Variants in DAB2 observed in about 807,000 individuals in gnomAD.
DAB2 encodes disabled homolog 2.
In DAB2, 28 loss-of-function variants were observed where a neutral mutation model predicts 71.6. That is an observed-to-expected ratio of 0.39 (90% confidence interval 0.29 to 0.54). The LOEUF is 0.54. Ranked by LOEUF, DAB2 falls within the 20% of genes least tolerant of loss-of-function variation. DAB2 has a pLI of 0.68. For synonymous variants in DAB2, 345 were observed against 339.7 expected, an observed-to-expected ratio of 1.02 and a Z score of -0.17; for missense variants, 867 against 928.8, an observed-to-expected ratio of 0.93 and a Z score of 0.86.
chr5:39,411,625 C>T (rs144987977), intron 1 of DAB2, among the ~76,000 whole-genome samples: 82 of 152,250 alleles, frequency 5.4e-4, no homozygotes, highest in African/African-American at 1.5e-3. Flanking sequence ...GAATGCAATT[C>T]GATCATTTGT....
chr5:39,384,449 T>A (rs941987526), intron 9 of DAB2, among the ~76,000 whole-genome samples: 1 of 152,220 alleles, frequency 6.6e-6, no homozygotes, highest in Admixed American at 6.5e-5. Context: ...CTCACTTATT[T>A]TCAGACCAAG....
Position 39,377,015 on chromosome 5 carries a change from C to A in DAB2, c.1772G>T (p.Gly591Val). The change falls in exon 12 of 15, where the codon GGG becomes GTG. Residue 591 changes from glycine to valine, a missense_variant. Coordinates refer to ENST00000320816, the MANE Select transcript of DAB2 (RefSeq NM_001343.4). ...PNAWSTTSPL[G>V]NPFQSNIFPA... ...AAAAATATTGCTCTGAAAAGGATTC[C>A]CCAAAGGGCTTGTTGTTGACCAAGC... is the stretch of plus-strand genomic sequence containing the variant. 6.2e-7 allele frequency: 1 copy of A among 1,614,008 alleles called. No individual in the cohort carries two copies. Among genetic ancestry groups the A allele is most frequent in the Non-Finnish European group, 8.5e-7 (1 of 1,180,000 alleles).
At chr5:39,394,145 C>T in intron 2 of DAB2, 85 bp downstream of exon 2, 1 of 1,089,452 alleles carries the variant, frequency 9.2e-7, no homozygotes, top group Non-Finnish European at 1.4e-6. Context: ...TCAGAGCCAG[C>T]CCTTACTTTA....
chr5:39,409,092 A>G (rs1394385675), intron 1 of DAB2, among the ~76,000 whole-genome samples: 2 of 151,964 alleles, frequency 1.3e-5, no homozygotes, highest in Non-Finnish European at 2.9e-5. Context: ...AGGCCTCCCA[A>G]TAGTTAGCCT....
At chr5:39,392,619 A>C (rs975105787) in intron 3 of DAB2, among the ~76,000 whole-genome samples, 156 bp from the exon 4 acceptor site, 42 of 152,332 alleles carry the variant, frequency 2.8e-4, no homozygotes, top group African/African-American at 9.9e-4. Flanking sequence ...GCAAGACGGC[A>C]TAGAAGACGT....
rs1201942226 is a variant in DAB2, at chr5:39,382,737, T to A, written c.1222A>T (p.Ile408Leu). ...AAGTCCTGCTTTACGCCATTCTGTA[T>A]GGACAGTCCTTTGGGAGGGCTTCCC... ...FVGSPPKGLS[I>L]QNGVKQDLES... is the part of the protein sequence containing the mutation. Residue 408 changes from isoleucine to leucine, a missense_variant, in exon 10 of 15, where the codon ATA becomes TTA. This residue lies in a region of DAB2 where 740 missense variants were observed against 734.3 expected (regional missense o/e 1.01). Coordinates refer to ENST00000320816, the MANE Select transcript of DAB2 (RefSeq NM_001343.4). 4 of 1,614,196 alleles carry A rather than the reference T, an allele frequency of 2.5e-6. No individual in the cohort carries two copies. Among genetic ancestry groups the A allele is most frequent in the Non-Finnish European group, 2.5e-6 (3 of 1,180,028 alleles).
chr5:39,410,743 C>T (rs186324671), intron 1 of DAB2, among the ~76,000 whole-genome samples: 315 of 151,854 alleles, frequency 2.1e-3, no homozygotes, highest in African/African-American at 4.0e-3. Context: ...GCTCTTTACT[C>T]CTTCCATGTT....
At chr5:39,424,353 T>C (rs1756053697) in intron 1 of DAB2, among the ~76,000 whole-genome samples, 1 of 152,002 alleles carries the variant, frequency 6.6e-6, no homozygotes. Flanking sequence ...AAGCTCCTTA[T>C]GGGCACAAGC....
intron 1 of DAB2, among the ~76,000 whole-genome samples, chr5:39,411,140 G>A (rs1224007708): frequency 6.6e-6 from 1 of 152,036 alleles, no homozygotes; most frequent in Non-Finnish European, 1.5e-5. Context: ...TAATAGGAAT[G>A]GTTCTTTATC....
chr5:39,418,401 A>G (rs1433497136), intron 1 of DAB2: 1 of 152,208 alleles, frequency 6.6e-6, no homozygotes, highest in East Asian at 1.9e-4. Context: ...AGAAAACTAG[A>G]CCAGGTCTTG....
intron 1 of DAB2, among the ~76,000 whole-genome samples, chr5:39,421,951 TC>T (rs1320368932): frequency 6.6e-6 from 1 of 151,048 alleles, no homozygotes; most frequent in East Asian, 1.9e-4. Context: ...GTACCTCTAA[TC>T]CCAACTAATC....
chr5:39,388,621 CT>C (rs1561369908), intron 8 of DAB2, among the ~76,000 whole-genome samples, 177 bp downstream of exon 8: 1 of 152,082 alleles, frequency 6.6e-6, no homozygotes, highest in Admixed American at 6.6e-5. Flanking sequence ...CTTTTCTAAT[CT>C]TTTTTTGACT....
At position 39,376,053 on chromosome 5, in the gene DAB2, C is replaced by T. The variant is rs1402263184; in HGVS notation, c.2191G>A (p.Asp731Asn). Residue 731 changes from aspartate to asparagine, a missense_variant, in exon 13 of 15, where the codon GAC becomes AAC. By Grantham distance (23) the Asp-to-Asn change is conservative. Coordinates refer to ENST00000320816, the MANE Select transcript of DAB2 (RefSeq NM_001343.4). Reference protein sequence around the residue: ...QVSLPVTKSTDNAFENPFFKD... With the variant: ...QVSLPVTKSTNNAFENPFFKD... ...AAGAAAGGGTTCTCAAATGCATTGT[C>T]AGTAGATTTGGTAACTGGCAGGGAA... is the stretch of plus-strand genomic sequence containing the variant. 6.2e-7 allele frequency: 1 copy of T among 1,614,020 alleles called. No homozygotes were observed. Among genetic ancestry groups the T allele is most frequent in the Admixed American group, 1.7e-5 (1 of 60,002 alleles).
intron 1 of DAB2, among the ~76,000 whole-genome samples, chr5:39,419,145 A>C (rs1755915846): frequency 6.6e-6 from 1 of 152,306 alleles, no homozygotes; most frequent in Middle Eastern, 3.4e-3. Context: ...TTGCAAGGTA[A>C]GTGAGACAAC....
chr5:39,405,149 C>G (rs1423520628), intron 1 of DAB2, among the ~76,000 whole-genome samples: 1 of 152,202 alleles, frequency 6.6e-6, no homozygotes, highest in Non-Finnish European at 1.5e-5. Flanking sequence ...ACAATTGATT[C>G]TAGAATCCCT....
chr5:39,390,678 G>A (rs373465171), intron 4 of DAB2, 103 bp from the exon 5 acceptor site: 8 of 781,886 alleles, frequency 1.0e-5, no homozygotes. Context: ...TATATGAAAA[G>A]TTTAAACCAT....
chr5:39,404,089 G>A (rs973161302), intron 1 of DAB2, among the ~76,000 whole-genome samples: 2 of 151,902 alleles, frequency 1.3e-5, no homozygotes, highest in Non-Finnish European at 2.9e-5. Context: ...ATAAACATAC[G>A]TGTGCATGTG....
intron 1 of DAB2, among the ~76,000 whole-genome samples, chr5:39,411,596 AGG>A (rs1755731157): frequency 6.6e-6 from 1 of 152,168 alleles, no homozygotes; most frequent in Admixed American, 6.5e-5. Flanking sequence ...CCTCCTATGT[AGG>A]CATTTTTAGC....
rs546822863 is a variant in DAB2 at position 39,389,603 on chromosome 5, C to T, written c.543+249G>A. Among the ~76,000 whole-genome samples, 6 of 152,242 alleles carry T rather than the reference C, an allele frequency of 3.9e-5. No individual in the cohort carries two copies. The East Asian group carries it at 5.8e-4, about 15-fold the overall frequency. ...TCGGCTGACTGCAACCTCTGCCTCC[C>T]GGGTTCAAGTGATTCTCCTTGCTTC... On this transcript the variant is annotated intron_variant, in intron 6 of 14. Coordinates refer to ENST00000320816, the MANE Select transcript of DAB2 (RefSeq NM_001343.4).
Sources: gnomAD v4.1 joint callset for allele counts (sites outside exome capture counted in the v4.1 genomes callset) on GRCh38, gnomAD v4.1.1 for gene constraint, gnomAD v4.1.1 regional missense constraint, MANE v1.5 for transcripts, NCBI Gene and HGNC (gene_info 2026-07-23, HGNC 2026-07-21) for gene names.